Variants in DOK5 observed in about 807,000 individuals in gnomAD.
The protein encoded by DOK5 is downstream of tyrosine kinase 5.
Under a neutral mutation model 43.3 loss-of-function variants are expected in DOK5, and 27 were observed. The ratio of observed to expected loss-of-function variants is 0.62; its 90% CI spans 0.46 to 0.86. The LOEUF is 0.86. Ranked by LOEUF, DOK5 falls within the 40% of genes least tolerant of loss-of-function variation. The pLI, the probability that DOK5 is intolerant of heterozygous loss-of-function variation, is 0.00. For synonymous variants in DOK5, 146 were observed against 140.1 expected (o/e 1.04, Z -0.30); for missense variants, 373 against 392.9 (o/e 0.95, Z 0.43).
In DOK5 at chr20:54,476,123, C is replaced by A. The variant is rs1600644567; in HGVS notation, c.66+111C>A. 4.5e-6 allele frequency: 7 copies of A among 1,556,956 alleles called. No individual in the cohort carries two copies. In the East Asian group the frequency reaches 1.6e-4, roughly 36 times the overall value. On this transcript the variant is annotated intron_variant, in intron 1 of 7. Transcript: ENST00000262593. ...TCCCCGGCCGCGCGCCGGAGAATTG[C>A]GCGGTGGCTTTCTCAGCCGAAACCC...
intron 2 of DOK5, among the ~76,000 whole-genome samples, chr20:54,568,861 G>A (rs1985184573): frequency 6.6e-6 from 1 of 152,010 alleles, no homozygotes; most frequent in Non-Finnish European, 1.5e-5. Flanking sequence ...GAACCCGGGA[G>A]GCGGAGCTTA....
intron 1 of DOK5, among the ~76,000 whole-genome samples, chr20:54,493,389 T>C (rs1982273350): frequency 6.6e-6 from 1 of 152,190 alleles, no homozygotes; most frequent in Admixed American, 6.5e-5. Flanking sequence ...ATATGTGCTC[T>C]TCCTATTGAC....
intron 1 of DOK5, among the ~76,000 whole-genome samples, chr20:54,524,892 G>C (rs906891663): frequency 2.0e-5 from 3 of 152,140 alleles, no homozygotes; most frequent in Non-Finnish European, 4.4e-5. Flanking sequence ...AAAAGGTTGA[G>C]TTTTTGTCAC....
At chr20:54,556,338 C>A (rs974651720) in intron 2 of DOK5, among the ~76,000 whole-genome samples, 3 of 152,166 alleles carry the variant, frequency 2.0e-5, no homozygotes, top group African/African-American at 7.2e-5. Flanking sequence ...TATGAAATGA[C>A]ACTGTTCAAA....
chr20:54,501,634 A>C (rs943478510), intron 1 of DOK5, among the ~76,000 whole-genome samples: 12 of 152,180 alleles, frequency 7.9e-5, no homozygotes, highest in African/African-American at 2.9e-4. Flanking sequence ...AGTCATATGT[A>C]GAGTCCAATG....
chr20:54,535,989 C>T (rs1053985067), intron 1 of DOK5, among the ~76,000 whole-genome samples: 1 of 151,888 alleles, frequency 6.6e-6, no homozygotes. Flanking sequence ...TGACTTTTGC[C>T]CACTCATTTT....
chr20:54,639,976 C>T (rs955683251), intron 6 of DOK5, among the ~76,000 whole-genome samples: 2 of 152,218 alleles, frequency 1.3e-5, no homozygotes, highest in East Asian at 3.8e-4. Context: ...CCAGAGCCCA[C>T]CATCTCTGCA....
chr20:54,536,570 A>G (rs1312339722), intron 1 of DOK5, among the ~76,000 whole-genome samples: 2 of 152,186 alleles, frequency 1.3e-5, no homozygotes, highest in Non-Finnish European at 2.9e-5. Flanking sequence ...GATCCCACAC[A>G]TGGAGGTAAA....
intron 1 of DOK5, among the ~76,000 whole-genome samples, chr20:54,494,307 T>C (rs904543718): frequency 6.6e-6 from 1 of 152,246 alleles, no homozygotes; most frequent in African/African-American, 2.4e-5. Flanking sequence ...GTTGGATACC[T>C]TAGCAAGACT....
chr20:54,637,850 C>T (rs6064096), intron 6 of DOK5, among the ~76,000 whole-genome samples: 139,131 of 152,070 alleles, frequency 0.91, 63,739 homozygotes, highest in East Asian at 0.99. Context: ...TGGCCGGGCG[C>T]GGTGGCTCAC....
chr20:54,514,718 A>G (rs1310816770), intron 1 of DOK5, among the ~76,000 whole-genome samples: 1 of 151,584 alleles, frequency 6.6e-6, no homozygotes, highest in Non-Finnish European at 1.5e-5. Flanking sequence ...TGATGTTAGA[A>G]GAAACATGTA....
chr20:54,641,944 G>A lies in DOK5; in HGVS notation c.736-1514G>A, dbSNP rs78576696. Among the ~76,000 whole-genome samples, 753 of 152,252 alleles carry A rather than the reference G, an allele frequency of 4.9e-3. 6 individuals carry two copies. Among genetic ancestry groups the A allele is most frequent in the African/African-American group, 0.018 (733 of 41,540 alleles). Reference sequence around the variant, plus strand: ...ATCTTTGTGGGTGAATTTTTTTAAAGATGGGAATGGATTATTTGATATTCA... The same window carrying A: ...ATCTTTGTGGGTGAATTTTTTTAAAAATGGGAATGGATTATTTGATATTCA... On this transcript the variant is annotated intron_variant, in intron 6 of 7. Coordinates refer to ENST00000262593, the MANE Select transcript of DOK5 (RefSeq NM_018431.5).
intron 2 of DOK5, among the ~76,000 whole-genome samples, chr20:54,561,900 G>A (rs748990055): frequency 1.8e-4 from 28 of 152,206 alleles, no homozygotes; most frequent in Admixed American, 1.2e-3. Flanking sequence ...CAGGTGATCC[G>A]CCCACCTCGG....
chr20:54,580,427 CTT>C (rs1985600220), intron 2 of DOK5, among the ~76,000 whole-genome samples: 1 of 152,166 alleles, frequency 6.6e-6, no homozygotes, highest in Admixed American at 6.5e-5. Context: ...CCTCCACACT[CTT>C]TCCCTAAGTG....
Position 54,588,560 on chromosome 20 carries a change from C to T in DOK5, c.252C>T (p.Phe84=). Residue 84 remains phenylalanine, a synonymous_variant, in exon 3 of 8, where the codon TTC becomes TTT. Coordinates refer to ENST00000262593, the MANE Select transcript of DOK5 (RefSeq NM_018431.5). ...AGAAACATGCCATAGGGATTTATTT[C>T]AATGACGATACCTCCAAGACTTTTG... ...STKKHAIGIY[F]NDDTSKTFAC... 6.8e-6 allele frequency: 11 copies of T among 1,614,160 alleles called. No individual in the cohort carries two copies. Among genetic ancestry groups the T allele is most frequent in the Non-Finnish European group, 9.3e-6 (11 of 1,180,002 alleles).
chr20:54,604,523 T>C (rs571034749), intron 5 of DOK5, among the ~76,000 whole-genome samples: 83 of 152,026 alleles, frequency 5.5e-4, no homozygotes, highest in African/African-American at 1.9e-3. Flanking sequence ...CTCTCCAAAT[T>C]AATTCTCAGC....
intron 1 of DOK5, among the ~76,000 whole-genome samples, chr20:54,477,551 G>A (rs2146651661): frequency 6.6e-6 from 1 of 152,116 alleles, no homozygotes; most frequent in East Asian, 1.9e-4. Flanking sequence ...ACTTTACTGA[G>A]TGACTCCCAT....
chr20:54,493,584 T>C (rs1982279726), intron 1 of DOK5, among the ~76,000 whole-genome samples: 1 of 152,174 alleles, frequency 6.6e-6, no homozygotes, highest in East Asian at 1.9e-4. Flanking sequence ...ACTAGCCACA[T>C]TTTAAGTGAT....
In DOK5 at chr20:54,591,817, G is replaced by A. The variant is rs1234027097; in HGVS notation, c.599+12G>A. 1.2e-6 allele frequency: 2 copies of A among 1,604,544 alleles called. No homozygotes were observed. Among genetic ancestry groups the A allele is most frequent in the Admixed American group, 3.4e-5 (2 of 58,644 alleles). On this transcript the variant is annotated intron_variant, in intron 5 of 7. Coordinates refer to ENST00000262593, the MANE Select transcript of DOK5 (RefSeq NM_018431.5). ...TTTGAGGCAGGGAGGTGAGTTTAATGACTTTTAATGACTATTTTTCTGTTT... is the reference window on the plus strand; with the variant it reads ...TTTGAGGCAGGGAGGTGAGTTTAATAACTTTTAATGACTATTTTTCTGTTT...
Sources: allele counts gnomAD v4.1 joint callset (sites outside exome capture counted in the v4.1 genomes callset), GRCh38; gene constraint gnomAD v4.1.1; transcripts MANE v1.5; gene names NCBI Gene and HGNC (gene_info 2026-07-23, HGNC 2026-07-21).